ELAPOR2: variants seen among roughly 807,000 people sequenced by gnomAD.
ELAPOR2 encodes endosome-lysosome associated apoptosis and autophagy regulator family member 2.
In ELAPOR2, 89 loss-of-function variants were observed where a neutral mutation model predicts 120.7. That is an observed-to-expected ratio of 0.74 (90% CI 0.62 to 0.88). The LOEUF is 0.88. ELAPOR2 is among the 40% of genes least tolerant of loss of function. The pLI is 0.00. For synonymous variants in ELAPOR2, 444 were observed against 444.9 expected, an observed-to-expected ratio of 1.00 and a Z score of 0.03; for missense variants, 1,134 against 1,251.6, an observed-to-expected ratio of 0.91 and a Z score of 1.42.
At chr7:86,989,599 G>C (rs886540095) in intron 1 of ELAPOR2, among the ~76,000 whole-genome samples, 3 of 152,038 alleles carry the variant, frequency 2.0e-5, no homozygotes, top group Admixed American at 2.0e-4. Context: ...AGCCAGATTT[G>C]ATTTTCGTTT....
At chr7:86,962,565 G>A (rs1006732451) in intron 2 of ELAPOR2, among the ~76,000 whole-genome samples, 3 of 152,176 alleles carry the variant, frequency 2.0e-5, no homozygotes, top group Non-Finnish European at 4.4e-5. Flanking sequence ...AACTCAGTGG[G>A]TAAGACACAG....
At chr7:87,032,774 G>A (rs1031581713) in intron 1 of ELAPOR2, among the ~76,000 whole-genome samples, 1 of 152,132 alleles carries the variant, frequency 6.6e-6, no homozygotes, top group Non-Finnish European at 1.5e-5. Flanking sequence ...AGCATAAAAA[G>A]GAAGTTTCTC....
chr7:86,935,377 C>T (rs1244782319), intron 8 of ELAPOR2, among the ~76,000 whole-genome samples: 1 of 152,074 alleles, frequency 6.6e-6, no homozygotes, highest in Non-Finnish European at 1.5e-5. Flanking sequence ...ATCAAAAATG[C>T]TCTCCTTCCT....
intron 21 of ELAPOR2, among the ~76,000 whole-genome samples, chr7:86,883,788 C>T (rs535262123): frequency 3.3e-5 from 5 of 152,184 alleles, no homozygotes; most frequent in Non-Finnish European, 7.4e-5. Context: ...CAGGGGTGAA[C>T]TAGTGTTCTA....
intron 1 of ELAPOR2, among the ~76,000 whole-genome samples, chr7:87,023,568 T>TAA (rs1794136811): frequency 6.6e-6 from 1 of 152,056 alleles, no homozygotes; most frequent in Non-Finnish European, 1.5e-5. Context: ...GGTTCCATAT[T>TAA]AACTTTAAAG....
intron 18 of ELAPOR2, among the ~76,000 whole-genome samples, chr7:86,903,603 A>C (rs1451081633): frequency 2.0e-5 from 3 of 152,200 alleles, no homozygotes; most frequent in Non-Finnish European, 4.4e-5. Context: ...AATTTGATAG[A>C]GAGACTCTAA....
chr7:86,898,058 A>G (rs757265842), intron 18 of ELAPOR2, among the ~76,000 whole-genome samples: 3 of 152,164 alleles, frequency 2.0e-5, no homozygotes, highest in Non-Finnish European at 2.9e-5. Context: ...TTATAGCAGC[A>G]TTTTATATAA....
rs1795365603 is a variant in ELAPOR2 at position 87,059,454 on chromosome 7, A to G, written c.60T>C (p.Ala20=). The change falls in exon 1 of 22, where the codon GCT becomes GCC. Residue 20 remains alanine (A), a synonymous_variant. Coordinates refer to ENST00000450689, the MANE Select transcript of ELAPOR2 (RefSeq NM_001142749.3). ...AGGGCGGCGAGCGCCCGCGGCGGGG[A>G]GCCTCCGCCGGCCGCCCCCAGCCCC... ...RGRGWGRPAE[A]PRRGRSPPWS... The G allele has an allele frequency of 8.2e-7, 1 of 1,224,224 alleles. No individual in the cohort carries two copies. 75.8% of individuals were successfully genotyped at this position (1,224,224 alleles called of 1,614,324 possible).
chr7:86,940,131 T>C lies in ELAPOR2; in HGVS notation c.742-16A>G. 4 of 1,539,228 alleles carry C rather than the reference T, an allele frequency of 2.6e-6. No homozygotes were observed. The highest frequency in any genetic ancestry group is 3.6e-6 in the Non-Finnish European group (4 of 1,114,530). On this transcript the variant is annotated splice_polypyrimidine_tract_variant and intron_variant, in intron 5 of 21. Transcript: ENST00000450689. ...TCAGCATTACCTATAAAGAGAAACATAAAGGCACTTAGGGCAGATAAGCCA... is the reference window on the plus strand; with the variant it reads ...TCAGCATTACCTATAAAGAGAAACACAAAGGCACTTAGGGCAGATAAGCCA...
chr7:86,930,867 T>G (rs776479240), intron 8 of ELAPOR2, among the ~76,000 whole-genome samples: 1 of 151,954 alleles, frequency 6.6e-6, no homozygotes, highest in African/African-American at 2.4e-5. Flanking sequence ...CTTCAAATAC[T>G]TGAAATACCC....
intron 1 of ELAPOR2, among the ~76,000 whole-genome samples, chr7:87,043,440 T>C (rs1242540684): frequency 6.6e-6 from 1 of 151,798 alleles, no homozygotes; most frequent in Non-Finnish European, 1.5e-5. Context: ...ATTCCTGGGA[T>C]GCAAGGCTGG....
At chr7:86,991,531 C>T (rs888640652) in intron 1 of ELAPOR2, among the ~76,000 whole-genome samples, 2 of 152,178 alleles carry the variant, frequency 1.3e-5, no homozygotes, top group African/African-American at 4.8e-5. Flanking sequence ...CACACACACA[C>T]ATGACTTTTC....
chr7:86,905,331 C>A (rs560651314), intron 18 of ELAPOR2, among the ~76,000 whole-genome samples: 26 of 147,298 alleles, frequency 1.8e-4, no homozygotes, highest in African/African-American at 3.2e-4. Flanking sequence ...TAAAAAAAAA[C>A]CAAAACAAAC....
chr7:86,977,797 C>T (rs933249915), intron 1 of ELAPOR2, among the ~76,000 whole-genome samples: 1 of 152,016 alleles, frequency 6.6e-6, no homozygotes, highest in Non-Finnish European at 1.5e-5. Context: ...CCAAAAATAA[C>T]CACAGTTAGG....
rs550978828 is a variant in ELAPOR2, at chr7:86,910,764, T to C, written c.2170-763A>G. Among the ~76,000 whole-genome samples, 197 of 152,102 alleles carry C rather than the reference T, an allele frequency of 1.3e-3. 1 individual carries two copies. Among genetic ancestry groups the C allele is most frequent in the South Asian group, 5.2e-3 (25 of 4,824 alleles). ...TTCTACAAAGTAAATGTAAAAATAA[T>C]ACAGGAAAACTATTTCATTGGTGTT... On this transcript the variant is annotated intron_variant, in intron 15 of 21. Transcript: ENST00000450689.
At chr7:86,906,223 C>T (rs969517252) in intron 18 of ELAPOR2, among the ~76,000 whole-genome samples, 2 of 152,114 alleles carry the variant, frequency 1.3e-5, no homozygotes, top group African/African-American at 2.4e-5. Context: ...AAGACACACT[C>T]TTTTATTGCT....
Position 86,878,072 on chromosome 7 carries a change from A to G in ELAPOR2, c.*2399T>C, listed in dbSNP as rs990976057. On this transcript the variant is annotated 3_prime_UTR_variant, in exon 22 of 22. Transcript: ENST00000450689. Reference sequence around the variant, plus strand: ...ACTTAATGAAGTAGTTAAGGCTTCAAAATTGTGCCTTTTAGAAAAATAACA... The same window carrying G: ...ACTTAATGAAGTAGTTAAGGCTTCAGAATTGTGCCTTTTAGAAAAATAACA... 1 of 152,224 alleles carries G rather than the reference A, an allele frequency of 6.6e-6. No homozygotes were observed. 9.4% of individuals were successfully genotyped at this position (152,224 alleles called of 1,614,324 possible).
chr7:86,880,548 A>G lies in ELAPOR2; in HGVS notation c.3031-18T>C, dbSNP rs764216645. 1 of 1,485,066 alleles carries G rather than the reference A, an allele frequency of 6.7e-7. No homozygotes were observed. Among genetic ancestry groups the G allele is most frequent in the Non-Finnish European group, 9.4e-7 (1 of 1,065,312 alleles). The allele number at this position is 1,485,066 out of a possible 1,614,324, so 92.0% of individuals were successfully genotyped here. ...TCTTTTTCCTAAGAAAAAATATTAA[A>G]GACAAAATCAACTCACTGAAATTCT... On this transcript the variant is annotated intron_variant, in intron 21 of 21. Coordinates refer to ENST00000450689, the MANE Select transcript of ELAPOR2 (RefSeq NM_001142749.3).
intron 1 of ELAPOR2, among the ~76,000 whole-genome samples, chr7:87,024,525 C>CT (rs944607582): frequency 3.3e-5 from 5 of 152,048 alleles, no homozygotes; most frequent in African/African-American, 7.2e-5. Flanking sequence ...CTAAAATTCT[C>CT]TTTTTTTGTT....
Sources: allele counts gnomAD v4.1 joint callset (sites outside exome capture counted in the v4.1 genomes callset), GRCh38; gene constraint gnomAD v4.1.1; transcripts MANE v1.5; gene names NCBI Gene and HGNC (gene_info 2026-07-23, HGNC 2026-07-21).